SULT4A1: variants seen among roughly 807,000 people sequenced by gnomAD.
SULT4A1 encodes sulfotransferase family 4A member 1.
Under a neutral mutation model 35.2 loss-of-function variants are expected in SULT4A1, and 11 were observed. That is an observed-to-expected ratio of 0.31 (90% CI 0.20 to 0.52). SULT4A1 has a LOEUF of 0.52. Ranked by LOEUF, SULT4A1 falls within the 20% of genes least tolerant of loss-of-function variation. The pLI is 0.97. For missense variants in SULT4A1, 271 were observed against 383.7 expected, an observed-to-expected ratio of 0.71 and a Z score of 2.45; for synonymous variants, 152 against 151.8, an observed-to-expected ratio of 1.00 and a Z score of -0.01.
intron 6 of SULT4A1, 156 bp from the exon 7 acceptor site, chr22:43,826,269 G>A (rs1188583660): frequency 7.1e-6 from 7 of 985,296 alleles, no homozygotes; most frequent in Middle Eastern, 5.2e-4. Flanking sequence ...CTGAGCTACA[G>A]ACCAGGTGGT....
chr22:43,848,412 A>C (rs1280213445), intron 1 of SULT4A1, among the ~76,000 whole-genome samples: 1 of 152,246 alleles, frequency 6.6e-6, no homozygotes. Flanking sequence ...CCTCATCCAC[A>C]GCACAGGACC....
At chr22:43,832,556 AC>A (rs1423508757) in intron 5 of SULT4A1, among the ~76,000 whole-genome samples, 3 of 151,782 alleles carry the variant, frequency 2.0e-5, no homozygotes, top group Admixed American at 2.0e-4. Flanking sequence ...CGCAAGGCAC[AC>A]CCCCACACCC....
At chr22:43,829,690 T>C (rs1468340975) in intron 5 of SULT4A1, among the ~76,000 whole-genome samples, 2 of 152,206 alleles carry the variant, frequency 1.3e-5, no homozygotes, top group African/African-American at 4.8e-5. Context: ...TGCCATACCC[T>C]GCCCCATTAT....
intron 5 of SULT4A1, among the ~76,000 whole-genome samples, chr22:43,831,722 G>A (rs569360985): frequency 1.3e-5 from 2 of 152,370 alleles, no homozygotes; most frequent in South Asian, 4.1e-4. Context: ...TTCCACACCT[G>A]ACAGGTTCCA....
chr22:43,854,223 T>C (rs1444218164), intron 1 of SULT4A1, among the ~76,000 whole-genome samples: 3 of 152,232 alleles, frequency 2.0e-5, no homozygotes, highest in Admixed American at 2.0e-4. Flanking sequence ...GGTCCTGCTC[T>C]GACTCTGGGC....
chr22:43,833,386 C>T (rs1489489101), intron 5 of SULT4A1, among the ~76,000 whole-genome samples: 1 of 152,036 alleles, frequency 6.6e-6, no homozygotes, highest in Non-Finnish European at 1.5e-5. Flanking sequence ...AGCCCCAGTC[C>T]CCTCCCCACA....
At chr22:43,834,369 GGCCC>G (rs2063350145) in intron 4 of SULT4A1, among the ~76,000 whole-genome samples, 2 of 59,792 alleles carry the variant, frequency 3.3e-5, no homozygotes, top group African/African-American at 5.8e-5. Context: ...CCCCCACCGC[GGCCC>G]TGAGCTTCCC....
At chr22:43,859,852 T>C (rs1006349124) in intron 1 of SULT4A1, among the ~76,000 whole-genome samples, 2 of 152,170 alleles carry the variant, frequency 1.3e-5, no homozygotes, top group Non-Finnish European at 2.9e-5. Context: ...AATTTCCACT[T>C]TTATTTCATT....
intron 2 of SULT4A1, 117 bp downstream of exon 2, chr22:43,841,685 G>T: frequency 6.8e-7 from 1 of 1,466,538 alleles, no homozygotes; most frequent in Non-Finnish European, 9.2e-7. Context: ...TGGCTATCTG[G>T]GGCTATCTGC....
rs2148288692 is a variant in SULT4A1, at chr22:43,840,127, G to A, written c.301-102C>T. 4 of 811,116 alleles carry A rather than the reference G, an allele frequency of 4.9e-6. No individual in the cohort carries two copies. In the East Asian group the frequency reaches 8.1e-5, roughly 16 times the overall value. 50.2% of individuals were successfully genotyped at this position (811,116 alleles called of 1,614,324 possible). A position where few individuals can be genotyped will look rare whatever the true frequency, so the allele number is the denominator to read the frequency against. On this transcript the variant is annotated intron_variant, in intron 2 of 6. Transcript: ENST00000330884. ...GGCCAGAGGAGGAAGGAAGGGGTGG[G>A]GTTCAGGGGAAGTGGAGTTATCAGA...
At chr22:43,847,446 G>T (rs1037750552) in intron 1 of SULT4A1, among the ~76,000 whole-genome samples, 1 of 152,178 alleles carries the variant, frequency 6.6e-6, no homozygotes, top group Non-Finnish European at 1.5e-5. Flanking sequence ...CCTCCCACTG[G>T]TCTCTCTCCA....
intron 1 of SULT4A1, among the ~76,000 whole-genome samples, chr22:43,844,103 T>C (rs2063456032): frequency 6.6e-6 from 1 of 152,200 alleles, no homozygotes; most frequent in East Asian, 1.9e-4. Flanking sequence ...CCCCAGCCTG[T>C]CCGCCACAGG....
chr22:43,830,575 C>T (rs1217747211), intron 5 of SULT4A1, among the ~76,000 whole-genome samples: 1 of 152,246 alleles, frequency 6.6e-6, no homozygotes, highest in Non-Finnish European at 1.5e-5. Flanking sequence ...AGCAAGAGGC[C>T]GCACACCACG....
At chr22:43,829,238 G>A (rs1556450220) in intron 5 of SULT4A1, 40 bp from the exon 6 acceptor site, 3 of 1,490,500 alleles carry the variant, frequency 2.0e-6, no homozygotes, top group Non-Finnish European at 2.7e-6. Flanking sequence ...CCCATCAGAG[G>A]CGGGGCCTTT....
At chr22:43,859,103 A>T (rs2049436729) in intron 1 of SULT4A1, among the ~76,000 whole-genome samples, 1 of 152,178 alleles carries the variant, frequency 6.6e-6, no homozygotes, top group South Asian at 2.1e-4. Context: ...AGCCCTTCTG[A>T]AACCTGTCTC....
chr22:43,843,689 G>A (rs2063451492), intron 1 of SULT4A1, among the ~76,000 whole-genome samples: 3 of 152,336 alleles, frequency 2.0e-5, no homozygotes, highest in African/African-American at 7.2e-5. Flanking sequence ...GGTTCCTGGA[G>A]GGTGGCTTGC....
intron 1 of SULT4A1, among the ~76,000 whole-genome samples, chr22:43,858,084 A>C (rs9614283): frequency 0.19 from 28,635 of 148,022 alleles, 3,329 homozygotes; most frequent in East Asian, 0.45. Context: ...AAAGAAAAAA[A>C]AAGAAAGAAA....
chr22:43,826,259 C>T, intron 6 of SULT4A1, 146 bp from the exon 7 acceptor site: 1 of 1,456,152 alleles, frequency 6.9e-7, no homozygotes, highest in Non-Finnish European at 9.0e-7. Context: ...GAAGGGCCGT[C>T]TGAGCTACAG....
intron 1 of SULT4A1, among the ~76,000 whole-genome samples, chr22:43,859,754 A>G (rs1230660615): frequency 6.6e-6 from 1 of 152,038 alleles, no homozygotes; most frequent in East Asian, 1.9e-4. Context: ...TGATGGGAAC[A>G]CTCCATATCT....
Sources: gnomAD v4.1 joint callset for allele counts (sites outside exome capture counted in the v4.1 genomes callset) on GRCh38, gnomAD v4.1.1 for gene constraint, MANE v1.5 for transcripts, NCBI Gene and HGNC (gene_info 2026-07-23, HGNC 2026-07-21) for gene names.